Variants in PI4KB observed in about 807,000 individuals in gnomAD.
The protein encoded by PI4KB is PtdIns 4-kinase beta.
Under a neutral mutation model 81.4 loss-of-function variants are expected in PI4KB, and 23 were observed. The ratio of observed to expected loss-of-function variants is 0.28; its 90% CI spans 0.20 to 0.40. PI4KB has a LOEUF of 0.40. PI4KB is among the 10% of genes least tolerant of loss of function. The pLI, the probability that PI4KB is intolerant of heterozygous loss-of-function variation, is 1.00. For missense variants in PI4KB, 651 were observed against 1,036.6 expected (o/e 0.63, Z 5.11); for synonymous variants, 381 against 406.8 (o/e 0.94, Z 0.76).
intron 9 of PI4KB, among the ~76,000 whole-genome samples, chr1:151,296,457 T>C (rs1694801189): frequency 6.6e-6 from 1 of 151,776 alleles, no homozygotes; most frequent in Non-Finnish European, 1.5e-5. Context: ...TGGCAGAACT[T>C]AATAGATGCT....
At chr1:151,304,709 G>A (rs923184748) in intron 5 of PI4KB, among the ~76,000 whole-genome samples, 5 of 151,314 alleles carry the variant, frequency 3.3e-5, no homozygotes, top group Non-Finnish European at 7.4e-5. Context: ...AGGCTGGAGT[G>A]CAGTGCTGTG....
At chr1:151,315,451 T>TATC in intron 2 of PI4KB, 122 bp downstream of exon 2, 1 of 725,424 alleles carries the variant, frequency 1.4e-6, no homozygotes, top group South Asian at 1.6e-5. Flanking sequence ...TCCATGCTTT[T>TATC]ATCAGTGAAA....
Position 151,316,273 on chromosome 1 carries a change from C to T in PI4KB, c.209G>A (p.Ser70Asn). The change falls in exon 2 of 12, where the codon AGC becomes AAC. Residue 70 changes from serine to asparagine, a missense_variant. This residue lies in a region of PI4KB where 314 missense variants were observed against 397.8 expected (regional missense o/e 0.79). Transcript: ENST00000368873. The part of the protein sequence containing the change: ...KLLHGGVAVS[S>N]RGTPLELVNG... Reference sequence around the variant, plus strand: ...GACCAACTCCAGTGGGGTGCCTCTGCTAGAGACTGCCACGCCTCCATGCAA... The same window carrying T: ...GACCAACTCCAGTGGGGTGCCTCTGTTAGAGACTGCCACGCCTCCATGCAA... The T allele has an allele frequency of 6.2e-7, 1 of 1,614,204 alleles. No homozygotes were observed. The highest frequency in any genetic ancestry group is 8.5e-7 in the Non-Finnish European group (1 of 1,180,036).
chr1:151,305,253 A>C (rs1295579081), intron 5 of PI4KB, among the ~76,000 whole-genome samples: 1 of 152,176 alleles, frequency 6.6e-6, no homozygotes, highest in Non-Finnish European at 1.5e-5. Flanking sequence ...GGTGTGAGCC[A>C]CTGCGCCTGG....
At chr1:151,307,878 G>T in intron 3 of PI4KB, 77 bp from the exon 4 acceptor site, 1 of 1,116,296 alleles carries the variant, frequency 9.0e-7, no homozygotes, top group Non-Finnish European at 1.4e-6. Context: ...AGTCACTCCT[G>T]GCCATGCAGG....
At chr1:151,311,955 A>T (rs895972122) in intron 2 of PI4KB, among the ~76,000 whole-genome samples, 4 of 151,710 alleles carry the variant, frequency 2.6e-5, no homozygotes, top group African/African-American at 4.8e-5. Flanking sequence ...TACCTAAATC[A>T]CTCTCTCCTT....
chr1:151,302,904 G>GTCCTCCT (rs1695414910), intron 6 of PI4KB, among the ~76,000 whole-genome samples: 1 of 150,742 alleles, frequency 6.6e-6, no homozygotes, highest in Non-Finnish European at 1.5e-5. Flanking sequence ...TTTTCAACAA[G>GTCCTCCT]TCCTCCTTCC....
chr1:151,299,845 T>C (rs1465423560), intron 8 of PI4KB, among the ~76,000 whole-genome samples: 1 of 152,166 alleles, frequency 6.6e-6, no homozygotes, highest in Admixed American at 6.5e-5. Context: ...CAGCACACTA[T>C]AACCTACCTG....
chr1:151,320,962 A>T (rs915054707), intron 1 of PI4KB, among the ~76,000 whole-genome samples: 1 of 152,240 alleles, frequency 6.6e-6, no homozygotes, highest in Non-Finnish European at 1.5e-5. Flanking sequence ...CTCAGACCTC[A>T]CTAGAAAATT....
At chr1:151,300,724 T>A (rs1317565173) in intron 8 of PI4KB, 1 of 152,236 alleles carries the variant, frequency 6.6e-6, no homozygotes, top group Non-Finnish European at 1.5e-5. Context: ...ACAGTCTCGA[T>A]CCTGTTACTG....
At chr1:151,312,134 G>C (rs993411019) in intron 2 of PI4KB, among the ~76,000 whole-genome samples, 3 of 152,328 alleles carry the variant, frequency 2.0e-5, no homozygotes, top group Non-Finnish European at 4.4e-5. Context: ...TCTGACTGTG[G>C]GAGAGAGTGT....
rs1571204139 is a variant in PI4KB at position 151,315,478 on chromosome 1, GA to G, written c.909+94del. ...TCAGTGAAATGAAACAGGGAGGACA[GA>G]AAGAACAGCGTAACCCTGTGTGTAT... On this transcript the variant is annotated intron_variant, in intron 2 of 11. Coordinates refer to ENST00000368873, the MANE Select transcript of PI4KB (RefSeq NM_001369623.2). 3.6e-6 allele frequency: 3 copies of G among 827,874 alleles called. No individual in the cohort carries two copies. The East Asian group carries it at 7.3e-5, about 20-fold the overall frequency. The allele number at this position is 827,874 out of a possible 1,614,324, so 51.3% of individuals were successfully genotyped here. A position where few individuals can be genotyped will look rare whatever the true frequency, so the allele number is the denominator to read the frequency against.
At chr1:151,307,223 A>G (rs1174345910) in intron 4 of PI4KB, among the ~76,000 whole-genome samples, 1 of 152,162 alleles carries the variant, frequency 6.6e-6, no homozygotes, top group Non-Finnish European at 1.5e-5. Flanking sequence ...ATATTTCTCT[A>G]TCCTTATGGT....
At position 151,315,714 on chromosome 1, in the gene PI4KB, G is replaced by C; in HGVS notation, c.768C>G (p.Ser256=). 1 of 1,614,140 alleles carries C rather than the reference G, an allele frequency of 6.2e-7. No individual in the cohort carries two copies. The highest frequency in any genetic ancestry group is 8.5e-7 in the Non-Finnish European group (1 of 1,180,014). Residue 256 remains serine, a synonymous_variant, in exon 2 of 12, where the codon TCC becomes TCG. Coordinates refer to ENST00000368873, the MANE Select transcript of PI4KB (RefSeq NM_001369623.2). The part of the protein sequence containing the change: ...KPAHRKRELP[S]LSPAPDTGLS... The stretch of plus-strand genomic sequence containing the variant: ...GCCCTGTGTCAGGGGCCGGGCTCAA[G>C]GAGGGCAGCTCCCTCTTCCTGTGAG...
chr1:151,306,262 G>A lies in PI4KB; in HGVS notation c.1284C>T (p.Ser428=), dbSNP rs369304753. ...TACCACATTCGGGCAAGTTTTCTAC[G>A]GACCTCGTACTCCGAATTCGGTTCT... ...IPENRIRSTR[S]VENLPECGIT... is the part of the protein sequence containing the mutation. Residue 428 remains serine, a synonymous_variant, in exon 5 of 12, where the codon TCC becomes TCT. Transcript: ENST00000368873. The A allele has an allele frequency of 1.0e-4, 169 of 1,613,956 alleles. No individual in the cohort carries two copies. The highest frequency in any genetic ancestry group is 1.3e-4 in the Non-Finnish European group (148 of 1,180,010).
At chr1:151,309,462 T>C (rs991439864) in intron 3 of PI4KB, among the ~76,000 whole-genome samples, 2 of 152,062 alleles carry the variant, frequency 1.3e-5, no homozygotes, top group South Asian at 2.1e-4. Flanking sequence ...ACTGATTTGA[T>C]AGACAAATCA....
chr1:151,292,876 C>T lies in PI4KB; in HGVS notation c.2427G>A (p.Gln809=). The change falls in exon 12 of 12, where the codon CAG becomes CAA. Residue 809 remains glutamine, a synonymous_variant. Coordinates refer to ENST00000368873, the MANE Select transcript of PI4KB (RefSeq NM_001369623.2). ...SITTKLYDGF[Q]YLTNGIM is the part of the protein sequence containing the mutation. ...GTCACATGATGCCGTTGGTGAGGTA[C>T]TGGAAGCCGTCATAGAGTTTGGTGG... 1 of 1,614,132 alleles carries T rather than the reference C, an allele frequency of 6.2e-7. No homozygotes were observed.
chr1:151,314,766 T>C (rs1011710624), intron 2 of PI4KB, among the ~76,000 whole-genome samples: 1 of 151,970 alleles, frequency 6.6e-6, no homozygotes, highest in African/African-American at 2.4e-5. Flanking sequence ...TGAAAAGGGA[T>C]TAGATTATGA....
chr1:151,298,507 G>C, intron 9 of PI4KB: 4 of 400,412 alleles, frequency 1.0e-5, no homozygotes, highest in Non-Finnish European at 9.1e-6. Context: ...ATTTCTTCTA[G>C]CTGGGATGTA....
Sources: allele counts gnomAD v4.1 joint callset (sites outside exome capture counted in the v4.1 genomes callset), GRCh38; gene constraint gnomAD v4.1.1; regional missense constraint gnomAD v4.1.1; transcripts MANE v1.5; gene names NCBI Gene and HGNC (gene_info 2026-07-23, HGNC 2026-07-21).